Variants in NDRG2 observed in about 807,000 individuals in gnomAD.
NDRG2 encodes NDRG family member 2.
NDRG2 carries 34 observed loss-of-function variants against 58.2 expected under a neutral mutation model. That is an observed-to-expected ratio of 0.58 (90% confidence interval 0.44 to 0.78). The LOEUF (loss-of-function observed/expected upper bound fraction) is 0.78, where lower values mean the gene tolerates loss of function less well. Ranked by LOEUF, NDRG2 falls within the 30% of genes least tolerant of loss-of-function variation. NDRG2 has a pLI of 0.00. For missense variants in NDRG2, 434 were observed against 471.2 expected, an observed-to-expected ratio of 0.92 and a Z score of 0.73; for synonymous variants, 187 against 175.9, an observed-to-expected ratio of 1.06 and a Z score of -0.50.
chr14:21,032,587 A>T (rs1036487394), intron 1 of NDRG2: 1 of 344,882 alleles, frequency 2.9e-6, no homozygotes, highest in Non-Finnish European at 5.7e-6. Context: ...CCTGACTTCT[A>T]TTACAAATTT....
At chr14:21,030,489 A>G (rs1301154231), upstream of NDRG2, 8 of 1,327,620 alleles carry the variant, frequency 6.0e-6, no homozygotes, top group Non-Finnish European at 8.3e-6. Flanking sequence ...TTTTACCATA[A>G]CACTCATCCT....
intron 1 of NDRG2, among the ~76,000 whole-genome samples, chr14:21,041,944 C>A (rs934508024): frequency 1.3e-5 from 2 of 152,208 alleles, no homozygotes; most frequent in African/African-American, 4.8e-5. Context: ...GACAAAGCAT[C>A]TTTCTAGGCT....
Position 21,043,749 on chromosome 14 carries a change from C to T in NDRG2, c.25-20428G>A, listed in dbSNP as rs140846323. The T allele has an allele frequency of 1.9e-3, 642 of 340,292 alleles. 3 individuals are homozygous for T. Among genetic ancestry groups the T allele is most frequent in the Middle Eastern group, 8.5e-3 (10 of 1,180 alleles). The allele number at this position is 340,292 out of a possible 1,614,324, so 21.1% of individuals were successfully genotyped here. Reference sequence around the variant, plus strand: ...TGCACATGTCTCCCCTGCCCCCTGGCATTAGGGCAGCATGACAAGGAGAGG... The same window carrying T: ...TGCACATGTCTCCCCTGCCCCCTGGTATTAGGGCAGCATGACAAGGAGAGG... On this transcript the variant is annotated intron_variant, in intron 1 of 14. Transcript: ENST00000403829.
At chr14:21,032,233 C>A in intron 1 of NDRG2, 1 of 812,770 alleles carries the variant, frequency 1.2e-6, no homozygotes, top group Non-Finnish European at 2.1e-6. Context: ...GAAGAGGCAG[C>A]ACAGGAGGGT....
At chr14:21,043,430 C>T (rs763425365) in intron 1 of NDRG2, 2 of 1,607,168 alleles carry the variant, frequency 1.2e-6, no homozygotes, top group East Asian at 4.5e-5. Flanking sequence ...AGCAATTCCA[C>T]CTGGTTCCTG....
chr14:21,051,655 G>A (rs1885476127), intron 1 of NDRG2, among the ~76,000 whole-genome samples: 1 of 152,196 alleles, frequency 6.6e-6, no homozygotes, highest in African/African-American at 2.4e-5. Context: ...AATGGACCTG[G>A]CAGGAGACAG....
At chr14:21,025,371 C>T, upstream of NDRG2, 1 of 985,656 alleles carries the variant, frequency 1.0e-6, no homozygotes, top group Middle Eastern at 5.2e-4. The surrounding 1 kb of genome is among the most constrained non-coding windows in gnomAD (Gnocchi z 5.1). Flanking sequence ...CTCGGCTGCC[C>T]TCAGCACCGC....
intron 1 of NDRG2, among the ~76,000 whole-genome samples, chr14:21,061,126 C>T (rs1013545176): frequency 6.6e-6 from 1 of 152,138 alleles, no homozygotes; most frequent in Non-Finnish European, 1.5e-5. Flanking sequence ...GATTCTGTAA[C>T]GTTTTTCTCC....
chr14:21,061,408 G>C (rs1355751747), intron 1 of NDRG2, among the ~76,000 whole-genome samples: 1 of 152,162 alleles, frequency 6.6e-6, no homozygotes, highest in East Asian at 1.9e-4. Flanking sequence ...TCCTTGTGTA[G>C]GCTGAAGAAT....
intron 1 of NDRG2, among the ~76,000 whole-genome samples, chr14:21,054,689 G>A (rs992180383): frequency 1.3e-5 from 2 of 152,142 alleles, no homozygotes; most frequent in East Asian, 1.9e-4. Context: ...TTCAAATCCC[G>A]GCCCTGCCAC....
intron 1 of NDRG2, among the ~76,000 whole-genome samples, chr14:21,045,737 C>T (rs942478564): frequency 3.3e-5 from 5 of 152,152 alleles, no homozygotes; most frequent in African/African-American, 1.2e-4. Flanking sequence ...TTTCTTGAAA[C>T]TTGACCTAAT....
chr14:21,061,952 G>A (rs1885985489), intron 1 of NDRG2, among the ~76,000 whole-genome samples: 1 of 152,144 alleles, frequency 6.6e-6, no homozygotes, highest in South Asian at 2.1e-4. Context: ...ACTTTATAAG[G>A]ACATGGAATA....
chr14:21,021,040 C>G (rs1435159432), intron 6 of NDRG2, 196 bp from the exon 7 acceptor site: 1 of 689,466 alleles, frequency 1.5e-6, no homozygotes, highest in Non-Finnish European at 2.6e-6. Flanking sequence ...GGGTAGATAC[C>G]TGAAGTCTAT....
chr14:21,062,218 T>C (rs1885998140), intron 1 of NDRG2, among the ~76,000 whole-genome samples: 1 of 152,252 alleles, frequency 6.6e-6, no homozygotes, highest in South Asian at 2.1e-4. Context: ...ACATTGACAC[T>C]ACAAGACCGA....
intron 1 of NDRG2, chr14:21,043,132 G>A (rs1179747232): frequency 1.9e-6 from 3 of 1,614,014 alleles, no homozygotes; most frequent in Non-Finnish European, 2.5e-6. Context: ...ATGCAGCCCA[G>A]CCCTCAAGCA....
upstream of NDRG2, chr14:21,030,819 G>A: frequency 6.4e-7 from 1 of 1,572,742 alleles, no homozygotes; most frequent in Non-Finnish European, 8.7e-7. Flanking sequence ...CCACGGAAGG[G>A]TTCACGTGGT....
At position 21,022,909 on chromosome 14, in the gene NDRG2, G is replaced by T; in HGVS notation, c.76-4C>A. The stretch of plus-strand genomic sequence containing the variant: ...TTCGGGCAGCTAACTCAGCCTCCTG[G>T]AGAGACACACACGGATTCACACAGA... On this transcript the variant is annotated splice_region_variant and splice_polypyrimidine_tract_variant and intron_variant, in intron 2 of 15. Transcript: ENST00000556147. 3.1e-6 allele frequency: 5 copies of T among 1,614,000 alleles called. No homozygotes were observed. Among genetic ancestry groups the T allele is most frequent in the Non-Finnish European group, 4.2e-6 (5 of 1,179,966 alleles).
At position 21,017,138 on chromosome 14, in the gene NDRG2, C is replaced by G; in HGVS notation, c.*458G>C. The stretch of plus-strand genomic sequence containing the variant: ...CCCCCTGACACACATTCACGTAGGT[C>G]CATACCCTTCAGAGTCCTAAAGGGT... On this transcript the variant is annotated 3_prime_UTR_variant, in exon 16 of 16. Coordinates refer to ENST00000556147, the MANE Select transcript of NDRG2 (RefSeq NM_001320329.2). 1 of 402,706 alleles carries G rather than the reference C, an allele frequency of 2.5e-6. No homozygotes were observed. Among genetic ancestry groups the G allele is most frequent in the Non-Finnish European group, 5.1e-6 (1 of 196,366 alleles). The allele number at this position is 402,706 out of a possible 1,614,324, so 24.9% of individuals were successfully genotyped here. A position where few individuals can be genotyped will look rare whatever the true frequency, so the allele number is the denominator to read the frequency against.
intron 1 of NDRG2, chr14:21,057,844 A>G (rs748376909): frequency 1.3e-6 from 2 of 1,526,122 alleles, no homozygotes; most frequent in African/African-American, 2.7e-5. Flanking sequence ...ATGATGACCT[A>G]TTCATCCACC....
Sources: allele counts gnomAD v4.1 joint callset (sites outside exome capture counted in the v4.1 genomes callset), GRCh38; gene constraint gnomAD v4.1.1; non-coding constraint Gnocchi (gnomAD v3.1); transcripts MANE v1.5; gene names NCBI Gene and HGNC (gene_info 2026-07-23, HGNC 2026-07-21).